The following NLRP5 variants were observed in gnomAD, a reference collection of about 807,000 sequenced individuals.
NLRP5 encodes the protein NLR family pyrin domain containing 5.
In NLRP5, 93 loss-of-function variants were observed where a neutral mutation model predicts 113.1. The ratio of observed to expected loss-of-function variants is 0.82; its 90% CI spans 0.70 to 0.98. The LOEUF (loss-of-function observed/expected upper bound fraction) is 0.98, where lower values mean the gene tolerates loss of function less well. Among genes scored for constraint, NLRP5 ranks in the 50% least tolerant of loss-of-function variants. The pLI is 0.00. For missense variants in NLRP5, 1,808 were observed against 1,514.3 expected, an observed-to-expected ratio of 1.19 and a Z score of -3.22; for synonymous variants, 751 against 600.7, an observed-to-expected ratio of 1.25 and a Z score of -3.66.
the NLRP5 span, among the ~76,000 whole-genome samples, chr19:55,991,869 TC>T: frequency 6.6e-6 from 1 of 152,092 alleles, no homozygotes; most frequent in Non-Finnish European, 1.5e-5. Flanking sequence ...CAGCTAACAT[TC>T]TTTTTTTACT....
intron 13 of NLRP5, among the ~76,000 whole-genome samples, chr19:56,054,709 C>T (rs1375873729): frequency 6.6e-6 from 1 of 151,848 alleles, no homozygotes; most frequent in Admixed American, 6.6e-5. Context: ...CAGTCAAGTT[C>T]GTACATAAAG....
chr19:56,039,075 C>T (rs755889143), intron 10 of NLRP5, among the ~76,000 whole-genome samples: 7 of 152,320 alleles, frequency 4.6e-5, no homozygotes, highest in East Asian at 1.9e-4. Context: ...CCAAGCACAG[C>T]GCTAAAATCC....
At chr19:56,053,396 CA>C in intron 12 of NLRP5, among the ~76,000 whole-genome samples, 1 of 151,700 alleles carries the variant, frequency 6.6e-6, no homozygotes, top group East Asian at 1.9e-4. Flanking sequence ...AACTCCATCT[CA>C]AAAAAAATTA....
At chr19:56,056,734 T>C (rs1984167506) in intron 13 of NLRP5, among the ~76,000 whole-genome samples, 1 of 152,238 alleles carries the variant, frequency 6.6e-6, no homozygotes, top group Admixed American at 6.5e-5. Flanking sequence ...TTATAAATGC[T>C]TAGATATTAT....
In NLRP5 at chr19:56,009,743, C is replaced by T. The variant is rs181562892; in HGVS notation, c.508+890C>T. ...CTACCTGCGCCGCTACCATCTTGCT[C>T]AGCTCCCAGCAGCCAGTGTTGACCG... On this transcript the variant is annotated intron_variant, in intron 3 of 14. Transcript: ENST00000390649. Among the ~76,000 whole-genome samples, 445 of 152,288 alleles carry T rather than the reference C, an allele frequency of 2.9e-3. 1 individual carries two copies. Among genetic ancestry groups the T allele is most frequent in the African/African-American group, 9.7e-3 (404 of 41,552 alleles).
chr19:56,032,473 C>T (rs1983156509), intron 7 of NLRP5, 138 bp from the exon 8 acceptor site: 4 of 628,710 alleles, frequency 6.4e-6, no homozygotes, highest in Admixed American at 2.9e-5. Flanking sequence ...GTGATGGCAG[C>T]CGCTAAGTTG....
At chr19:56,001,513 C>T (rs1400151528) in intron 1 of NLRP5, among the ~76,000 whole-genome samples, 1 of 152,064 alleles carries the variant, frequency 6.6e-6, no homozygotes, top group Non-Finnish European at 1.5e-5. Context: ...GCAAGCCCAT[C>T]TTAAAACTTT....
Position 56,061,655 on chromosome 19 carries a change from G to C in NLRP5, c.*127G>C, listed in dbSNP as rs773515303. ...GAGAATGATTTCTGATTCTCACAAA[G>C]CCCTCAATGGTAGTGATTCTTCTGT... On this transcript the variant is annotated 3_prime_UTR_variant, in exon 15 of 15. Coordinates refer to ENST00000390649, the MANE Select transcript of NLRP5 (RefSeq NM_153447.4). The C allele has an allele frequency of 5.7e-6, 6 of 1,059,378 alleles. No individual in the cohort carries two copies. The highest frequency in any genetic ancestry group is 8.5e-6 in the Non-Finnish European group (6 of 707,508). The allele number at this position is 1,059,378 out of a possible 1,614,324, so 65.6% of individuals were successfully genotyped here. A position where few individuals can be genotyped will look rare whatever the true frequency, so the allele number is the denominator to read the frequency against.
chr19:56,047,044 C>G (rs761838812), intron 11 of NLRP5, among the ~76,000 whole-genome samples: 1 of 108,248 alleles, frequency 9.2e-6, no homozygotes, highest in African/African-American at 3.6e-5. Context: ...AAAGGTGTTC[C>G]TTATAGCCTT....
At chr19:56,000,878 C>T (rs1012143538) in intron 1 of NLRP5, among the ~76,000 whole-genome samples, 8 of 151,504 alleles carry the variant, frequency 5.3e-5, no homozygotes, top group African/African-American at 1.5e-4. Context: ...TGGTGGTGCA[C>T]GCCTGTAATC....
chr19:55,999,617 C>A (rs781269527), upstream of NLRP5: 1 of 838,320 alleles, frequency 1.2e-6, no homozygotes, highest in Non-Finnish European at 2.0e-6. Flanking sequence ...TCACTTGTTG[C>A]TTCACTGAAA....
chr19:56,050,388 G>C (rs748086750), intron 11 of NLRP5, 30 bp from the exon 12 acceptor site: 1 of 1,606,312 alleles, frequency 6.2e-7, no homozygotes. Context: ...TGAGCATCAC[G>C]ATCTTCTTTC....
chr19:55,996,311 C>T (rs1463728655), upstream of NLRP5, among the ~76,000 whole-genome samples: 1 of 152,062 alleles, frequency 6.6e-6, no homozygotes, highest in Non-Finnish European at 1.5e-5. Flanking sequence ...TATGTTTCTT[C>T]TGCGTCTTAT....
At chr19:56,005,458 TACAC>T (rs372007561) in intron 2 of NLRP5, among the ~76,000 whole-genome samples, 31 of 134,384 alleles carry the variant, frequency 2.3e-4, no homozygotes, top group South Asian at 7.3e-4. Flanking sequence ...TATTTTTATA[TACAC>T]ACACACATAT....
At chr19:55,990,504 A>G in the NLRP5 span, among the ~76,000 whole-genome samples, 6 of 151,910 alleles carry the variant, frequency 3.9e-5, no homozygotes, top group Non-Finnish European at 8.8e-5. Context: ...CAGCCTGACT[A>G]ACATGGCGAA....
intron 6 of NLRP5, among the ~76,000 whole-genome samples, chr19:56,024,536 T>C (rs201546634): frequency 0.19 from 27,202 of 146,562 alleles, 2,855 homozygotes; most frequent in East Asian, 0.4. Flanking sequence ...TATACATATG[T>C]ATATGTATGT....
chr19:56,025,690 G>A (rs1982816326), intron 6 of NLRP5, among the ~76,000 whole-genome samples: 1 of 152,050 alleles, frequency 6.6e-6, no homozygotes, highest in African/African-American at 2.4e-5. Context: ...GATTACAGGG[G>A]TGAGCCAGCA....
upstream of NLRP5, among the ~76,000 whole-genome samples, chr19:55,997,853 ACT>A (rs897346755): frequency 8.6e-6 from 1 of 116,162 alleles, no homozygotes; most frequent in African/African-American, 4.3e-5. Flanking sequence ...ACAGAGCAAC[ACT>A]CTATCTCAAA....
intron 1 of NLRP5, 156 bp from the exon 2 acceptor site, chr19:56,003,580 A>G (rs1981737054): frequency 1.2e-6 from 1 of 843,774 alleles, no homozygotes; most frequent in South Asian, 1.8e-5. Flanking sequence ...ACTGATGTCT[A>G]GTAATAGGAT....
Sources: gnomAD v4.1 joint callset for allele counts (sites outside exome capture counted in the v4.1 genomes callset) on GRCh38, gnomAD v4.1.1 for gene constraint, MANE v1.5 for transcripts, NCBI Gene and HGNC (gene_info 2026-07-23, HGNC 2026-07-21) for gene names.